Variants in PLCB1 observed in about 807,000 individuals in gnomAD.
The protein encoded by PLCB1 is phospholipase C beta 1, also known as 1-phosphatidylinositol 4,5-bisphosphate phosphodiesterase beta-1.
PLCB1 carries 46 observed loss-of-function variants against 161.8 expected under a neutral mutation model. The observed-to-expected ratio is 0.28, with a 90% CI of 0.22 to 0.36. The LOEUF is 0.36. Ranked by LOEUF, PLCB1 falls within the 10% of genes least tolerant of loss-of-function variation. PLCB1 has a pLI of 1.00. For missense variants in PLCB1, 1,016 were observed against 1,472.5 expected (o/e 0.69, Z 5.07); for synonymous variants, 517 against 503.7 (o/e 1.03, Z -0.35).
At chr20:8,727,102 C>T (rs1191884256) in intron 16 of PLCB1, among the ~76,000 whole-genome samples, 1 of 151,742 alleles carries the variant, frequency 6.6e-6, no homozygotes, top group Non-Finnish European at 1.5e-5. Context: ...AAGTAGCAAA[C>T]GTTAGAAAAG....
At chr20:8,764,316 T>C (rs1045426509) in intron 25 of PLCB1, among the ~76,000 whole-genome samples, 7 of 152,224 alleles carry the variant, frequency 4.6e-5, no homozygotes, top group African/African-American at 1.7e-4. Context: ...CAGCTTATGA[T>C]GTTTATACTG....
intron 2 of PLCB1, among the ~76,000 whole-genome samples, chr20:8,172,252 C>T (rs2051740063): frequency 6.6e-6 from 1 of 152,038 alleles, no homozygotes; most frequent in Non-Finnish European, 1.5e-5. Context: ...GAGAAGAGTT[C>T]AGGGAGGGAG....
intron 3 of PLCB1, among the ~76,000 whole-genome samples, chr20:8,508,582 A>T (rs966302737): frequency 5.9e-5 from 9 of 152,296 alleles, no homozygotes; most frequent in Non-Finnish European, 1.0e-4. Flanking sequence ...CTAGAGATAC[A>T]ACCTTTGACC....
intron 4 of PLCB1, among the ~76,000 whole-genome samples, chr20:8,644,163 C>T (rs1262892588): frequency 1.2e-4 from 19 of 152,104 alleles, no homozygotes; most frequent in Admixed American, 9.2e-4. Context: ...ACCTCCCAGC[C>T]GCCTGCCTTG....
intron 3 of PLCB1, among the ~76,000 whole-genome samples, chr20:8,578,194 G>C (rs1200855591): frequency 6.6e-6 from 1 of 152,154 alleles, no homozygotes. Flanking sequence ...CCCAGTATTT[G>C]GCACATAATA....
intron 3 of PLCB1, among the ~76,000 whole-genome samples, chr20:8,622,151 G>A (rs1988202993): frequency 6.6e-6 from 1 of 151,990 alleles, no homozygotes; most frequent in African/African-American, 2.4e-5. Context: ...CTACTCGGGA[G>A]GCTGAGGCAG....
intron 27 of PLCB1, among the ~76,000 whole-genome samples, chr20:8,778,889 C>T (rs1406953046): frequency 4.6e-5 from 7 of 152,210 alleles, no homozygotes; most frequent in African/African-American, 1.7e-4. Context: ...AAGCTTCCTA[C>T]TGGCTCCATT....
rs144296469 is a variant in PLCB1, at chr20:8,780,909, T to C, written c.3111+6190T>C. Among the ~76,000 whole-genome samples the C allele has an allele frequency of 1.4e-4, 22 of 152,366 alleles. No homozygotes were observed. The East Asian group carries it at 4.2e-3, about 29-fold the overall frequency. On this transcript the variant is annotated intron_variant, in intron 27 of 31. Coordinates refer to ENST00000338037, the MANE Select transcript of PLCB1 (RefSeq NM_015192.4). Reference sequence around the variant, plus strand: ...ACAACAAGATAATGCACCTAAAATATTGTTTTTAATGAAAGCCTTTTTCTG... The same window carrying C: ...ACAACAAGATAATGCACCTAAAATACTGTTTTTAATGAAAGCCTTTTTCTG...
In PLCB1 at chr20:8,731,970, T is replaced by C. The variant is rs569198492; in HGVS notation, c.1889-1268T>C. On this transcript the variant is annotated intron_variant, in intron 18 of 31. Coordinates refer to ENST00000338037, the MANE Select transcript of PLCB1 (RefSeq NM_015192.4). ...TAATTCTGCCATCACCTCTTTATTA[T>C]GCACATAGAGATGAGTCATGACACA... The C allele has an allele frequency of 8.5e-5, 13 of 152,112 alleles. No individual in the cohort carries two copies. The East Asian group carries it at 2.5e-3, about 29-fold the overall frequency. 9.4% of individuals were successfully genotyped at this position (152,112 alleles called of 1,614,324 possible).
chr20:8,216,033 T>A (rs1979104326), intron 2 of PLCB1, among the ~76,000 whole-genome samples: 1 of 152,102 alleles, frequency 6.6e-6, no homozygotes, highest in Non-Finnish European at 1.5e-5. Flanking sequence ...CCTATTTATA[T>A]GATGTTGAGG....
In PLCB1 at chr20:8,742,400, AT is replaced by A. The variant is rs575294217; in HGVS notation, c.2523+828del. On this transcript the variant is annotated intron_variant, in intron 23 of 31. Transcript: ENST00000338037. ...AGTATAACTAATAGTTATCCATTAA[AT>A]AGTCCATTTAAATAGTCTATTAAAG... Among the ~76,000 whole-genome samples, 482 of 152,316 alleles carry A rather than the reference AT, an allele frequency of 3.2e-3. 3 individuals carry two copies. Among genetic ancestry groups the A allele is most frequent in the African/African-American group, 0.011 (450 of 41,588 alleles).
At chr20:8,144,621 A>G (rs1236504839) in intron 1 of PLCB1, among the ~76,000 whole-genome samples, 1 of 152,214 alleles carries the variant, frequency 6.6e-6, no homozygotes, top group African/African-American at 2.4e-5. Flanking sequence ...CTGGCATCCA[A>G]GACTACGTTT....
intron 3 of PLCB1, among the ~76,000 whole-genome samples, chr20:8,377,153 C>G (rs1987114873): frequency 6.6e-6 from 1 of 151,984 alleles, no homozygotes; most frequent in Non-Finnish European, 1.5e-5. Context: ...CACTGAGAAG[C>G]ATAAAGCGGG....
At chr20:8,437,722 T>A (rs926631017) in intron 3 of PLCB1, among the ~76,000 whole-genome samples, 2 of 152,088 alleles carry the variant, frequency 1.3e-5, no homozygotes, top group African/African-American at 4.8e-5. Flanking sequence ...CAAAGAAAAA[T>A]TCCCTATTCA....
At chr20:8,834,597 T>C (rs1362377440) in intron 31 of PLCB1, among the ~76,000 whole-genome samples, 2 of 151,914 alleles carry the variant, frequency 1.3e-5, no homozygotes, top group Admixed American at 6.6e-5. Context: ...GCCAGATCAC[T>C]TGAAGTCAGG....
chr20:8,415,018 C>T (rs1386531837), intron 3 of PLCB1, among the ~76,000 whole-genome samples: 1 of 152,108 alleles, frequency 6.6e-6, no homozygotes, highest in Non-Finnish European at 1.5e-5. Context: ...GCTAATTAAC[C>T]ACCCATTCAG....
chr20:8,198,506 A>T (rs1272240166), intron 2 of PLCB1, among the ~76,000 whole-genome samples: 1 of 152,120 alleles, frequency 6.6e-6, no homozygotes, highest in Non-Finnish European at 1.5e-5. Context: ...GAAGAATCTT[A>T]CCTAGTATCT....
intron 4 of PLCB1, among the ~76,000 whole-genome samples, chr20:8,635,951 G>A (rs569967233): frequency 7.2e-5 from 11 of 152,292 alleles, no homozygotes; most frequent in Admixed American, 3.9e-4. Flanking sequence ...ATGCATTGAG[G>A]TAAGAATTTT....
chr20:8,810,430 G>A (rs1253318624), intron 31 of PLCB1, among the ~76,000 whole-genome samples: 1 of 152,032 alleles, frequency 6.6e-6, no homozygotes, highest in Non-Finnish European at 1.5e-5. Context: ...CTGGTATGAG[G>A]GAGAGTATAG....
Sources: gnomAD v4.1 joint callset for allele counts (sites outside exome capture counted in the v4.1 genomes callset) on GRCh38, gnomAD v4.1.1 for gene constraint, MANE v1.5 for transcripts, NCBI Gene and HGNC (gene_info 2026-07-23, HGNC 2026-07-21) for gene names.